ITPR2: variants seen among roughly 807,000 people sequenced by gnomAD.
ITPR2 encodes the protein inositol 1,4,5-trisphosphate receptor type 2.
A neutral mutation model predicts 317.1 loss-of-function variants in ITPR2; 207 were observed. The observed-to-expected ratio is 0.65, with a 90% CI of 0.58 to 0.73. The LOEUF (loss-of-function observed/expected upper bound fraction) is 0.73. ITPR2 is among the 30% of genes least tolerant of loss of function. The pLI, the probability that ITPR2 is intolerant of heterozygous loss-of-function variation, is 0.00. For missense variants in ITPR2, 2,613 were observed against 3,284.0 expected, an observed-to-expected ratio of 0.80 and a Z score of 4.99; for synonymous variants, 1,156 against 1,149.1, an observed-to-expected ratio of 1.01 and a Z score of -0.12.
At chr12:26,525,868 T>C (rs1279218828) in intron 37 of ITPR2, among the ~76,000 whole-genome samples, 1 of 152,190 alleles carries the variant, frequency 6.6e-6, no homozygotes, top group African/African-American at 2.4e-5. Flanking sequence ...AATTTGTATC[T>C]ACCCATTAGA....
At chr12:26,821,227 A>G (rs1950933598) in intron 1 of ITPR2, among the ~76,000 whole-genome samples, 1 of 152,168 alleles carries the variant, frequency 6.6e-6, no homozygotes, top group African/African-American at 2.4e-5. Context: ...CACACCCAGC[A>G]TCTTTGTTCT....
rs560006592 is a variant in ITPR2, at chr12:26,785,290, G to A, written c.163+4867C>T. On this transcript the variant is annotated intron_variant, in intron 2 of 56. Transcript: ENST00000381340. ...CTCTGCCCGGCCAGCCGCCCCGTCCGAGAGGGAGGTGGTGGGGGTCAGCCC... is the reference window on the plus strand; with the variant it reads ...CTCTGCCCGGCCAGCCGCCCCGTCCAAGAGGGAGGTGGTGGGGGTCAGCCC... Among the ~76,000 whole-genome samples the A allele has an allele frequency of 9.8e-3, 417 of 42,610 alleles. 47 individuals carry two copies. Among genetic ancestry groups the A allele is most frequent in the African/African-American group, 0.023 (403 of 17,894 alleles). 28.0% of individuals were successfully genotyped at this position (42,610 alleles called of 152,430 possible). A position where few individuals can be genotyped will look rare whatever the true frequency, so the allele number is the denominator to read the frequency against.
intron 39 of ITPR2, 134 bp from the exon 40 acceptor site, chr12:26,487,385 C>T (rs1006797012): frequency 3.3e-6 from 2 of 601,104 alleles, no homozygotes; most frequent in African/African-American, 3.7e-5. Flanking sequence ...CATAAATTGA[C>T]AGCCTTTGCC....
At chr12:26,423,998 A>T (rs1170607747) in intron 49 of ITPR2, among the ~76,000 whole-genome samples, 1 of 152,154 alleles carries the variant, frequency 6.6e-6, no homozygotes, top group African/African-American at 2.4e-5. Flanking sequence ...CTCCCACTTG[A>T]TTCCTTTTCC....
chr12:26,415,008 C>G (rs1940674530), intron 51 of ITPR2, among the ~76,000 whole-genome samples: 1 of 151,934 alleles, frequency 6.6e-6, no homozygotes, highest in Non-Finnish European at 1.5e-5. Context: ...AGTTATTATC[C>G]TGCACTGAAG....
chr12:26,600,028 C>A lies in ITPR2; in HGVS notation c.3760G>T (p.Val1254Phe). ...AAATTCAGATGTTTATGAAGAAGAACTTGATTCTGTGGATTTCCTCGACAG... is the reference window on the plus strand; with the variant it reads ...AAATTCAGATGTTTATGAAGAAGAAATTGATTCTGTGGATTTCCTCGACAG... ...NFCRGNPQNQ[V>F]LLHKHLNLFL... Residue 1254 changes from valine to phenylalanine, a missense_variant, in exon 29 of 57, where the codon GTT (valine) becomes TTT (phenylalanine). Physicochemically the swap from Val to Phe is conservative, Grantham distance 50. This residue lies in a region of ITPR2 where 817 missense variants were observed against 897.6 expected (regional missense o/e 0.91). Coordinates refer to ENST00000381340, the MANE Select transcript of ITPR2 (RefSeq NM_002223.4). The A allele has an allele frequency of 6.2e-7, 1 of 1,607,192 alleles. No individual in the cohort carries two copies.
At chr12:26,723,905 C>T (rs545707987) in intron 4 of ITPR2, among the ~76,000 whole-genome samples, 4 of 152,210 alleles carry the variant, frequency 2.6e-5, no homozygotes, top group South Asian at 2.1e-4. Flanking sequence ...TCCTAGCCAA[C>T]GATGTAACAG....
intron 37 of ITPR2, among the ~76,000 whole-genome samples, chr12:26,535,062 T>C (rs1221865993): frequency 1.3e-5 from 2 of 152,190 alleles, no homozygotes; most frequent in Non-Finnish European, 2.9e-5. Context: ...AAATGATATG[T>C]GTATGAGGTG....
intron 2 of ITPR2, among the ~76,000 whole-genome samples, chr12:26,782,334 G>C (rs1230053586): frequency 6.6e-6 from 1 of 150,854 alleles, no homozygotes; most frequent in African/African-American, 2.4e-5. Context: ...AACAAACAAA[G>C]TAGTATAATG....
chr12:26,505,289 T>C (rs1333236003), intron 37 of ITPR2, among the ~76,000 whole-genome samples: 2 of 152,216 alleles, frequency 1.3e-5, no homozygotes, highest in East Asian at 3.8e-4. Flanking sequence ...CTTTAGGGGA[T>C]GATACACAAT....
At chr12:26,716,813 C>T (rs945238247) in intron 5 of ITPR2, among the ~76,000 whole-genome samples, 1 of 152,042 alleles carries the variant, frequency 6.6e-6, no homozygotes, top group East Asian at 1.9e-4. Context: ...CTTGGGCATC[C>T]GATTCACTCA....
intron 10 of ITPR2, 131 bp downstream of exon 10, chr12:26,695,475 G>A: frequency 1.4e-6 from 1 of 690,626 alleles, no homozygotes; most frequent in South Asian, 1.8e-5. Context: ...TTTTACCTGT[G>A]AACCATAGGC....
chr12:26,353,787 G>A (rs1209990099), intron 55 of ITPR2, among the ~76,000 whole-genome samples: 3 of 151,986 alleles, frequency 2.0e-5, no homozygotes, highest in Admixed American at 2.0e-4. Context: ...CACTGTAGAT[G>A]ACTTATTAGA....
chr12:26,698,632 C>T (rs1195851665), intron 9 of ITPR2, among the ~76,000 whole-genome samples: 1 of 152,194 alleles, frequency 6.6e-6, no homozygotes, highest in Non-Finnish European at 1.5e-5. Context: ...AGAACTGACA[C>T]ACAAGGAGGG....
At chr12:26,484,774 T>G (rs1226375826) in intron 41 of ITPR2, among the ~76,000 whole-genome samples, 254 of 152,166 alleles carry the variant, frequency 1.7e-3, no homozygotes, top group African/African-American at 5.8e-3. Flanking sequence ...TGCAGTGGCA[T>G]CATCTCCGCT....
At chr12:26,774,898 A>T (rs1949931351) in intron 2 of ITPR2, among the ~76,000 whole-genome samples, 1 of 152,238 alleles carries the variant, frequency 6.6e-6, no homozygotes, top group South Asian at 2.1e-4. Context: ...CCCTTAGTGG[A>T]TGGAAGTTGG....
chr12:26,466,889 G>A (rs949295155), intron 45 of ITPR2, among the ~76,000 whole-genome samples: 3 of 152,116 alleles, frequency 2.0e-5, no homozygotes, highest in African/African-American at 7.2e-5. Flanking sequence ...TGTTTTCTAC[G>A]TTCTGCACTA....
At chr12:26,648,170 T>C (rs1947158004) in intron 21 of ITPR2, among the ~76,000 whole-genome samples, 1 of 146,322 alleles carries the variant, frequency 6.8e-6, no homozygotes, top group African/African-American at 2.5e-5. Context: ...CATCTAAAGC[T>C]ACAGGATTTC....
chr12:26,351,553 T>C (rs1048691114), intron 55 of ITPR2, among the ~76,000 whole-genome samples: 9 of 152,148 alleles, frequency 5.9e-5, no homozygotes, highest in African/African-American at 1.2e-4. Flanking sequence ...ACTCAGGAGA[T>C]TGAGGTAGGA....
Sources: gnomAD v4.1 joint callset for allele counts (sites outside exome capture counted in the v4.1 genomes callset) on GRCh38, gnomAD v4.1.1 for gene constraint, gnomAD v4.1.1 regional missense constraint, MANE v1.5 for transcripts, NCBI Gene and HGNC (gene_info 2026-07-23, HGNC 2026-07-21) for gene names.